The following PDGFD variants were observed in gnomAD, a reference collection of about 807,000 sequenced individuals.
PDGFD encodes the protein platelet derived growth factor D, also known as platelet-derived growth factor D.
A neutral mutation model predicts 44.7 loss-of-function variants in PDGFD; 30 were observed. That is an observed-to-expected ratio of 0.67 (90% CI 0.50 to 0.91). The LOEUF (loss-of-function observed/expected upper bound fraction) is 0.91, where lower values mean the gene tolerates loss of function less well. Among genes scored for constraint, PDGFD ranks in the 40% least tolerant of loss-of-function variants. PDGFD has a pLI of 0.00. For synonymous variants in PDGFD, 173 were observed against 168.4 expected, an observed-to-expected ratio of 1.03 and a Z score of -0.21; for missense variants, 445 against 457.8, an observed-to-expected ratio of 0.97 and a Z score of 0.25.
At chr11:103,964,983 A>G (rs1318393764) in intron 3 of PDGFD, among the ~76,000 whole-genome samples, 1 of 151,610 alleles carries the variant, frequency 6.6e-6, no homozygotes, top group South Asian at 2.1e-4. Context: ...GGGTAATCAC[A>G]TACTAGATGT....
At chr11:103,993,652 T>C (rs1400545113) in intron 3 of PDGFD, among the ~76,000 whole-genome samples, 3 of 152,082 alleles carry the variant, frequency 2.0e-5, no homozygotes, top group Non-Finnish European at 4.4e-5. Context: ...ATCTTCCCAG[T>C]ACAGTGGTCA....
At chr11:104,015,411 G>A (rs1366569608) in intron 1 of PDGFD, among the ~76,000 whole-genome samples, 1 of 151,994 alleles carries the variant, frequency 6.6e-6, no homozygotes, top group Non-Finnish European at 1.5e-5. Context: ...AAATTAATCT[G>A]AGAAAAAAGA....
chr11:104,039,276 ATT>A, intron 1 of PDGFD: 1 of 160,924 alleles, frequency 6.2e-6, no homozygotes. Flanking sequence ...TCACCTAATA[ATT>A]TTTTTTTTCC....
At chr11:104,147,212 A>G (rs1012009185) in intron 1 of PDGFD, among the ~76,000 whole-genome samples, 1 of 152,058 alleles carries the variant, frequency 6.6e-6, no homozygotes, top group African/African-American at 2.4e-5. Context: ...AACTAAGTAC[A>G]CTGTGCTTGG....
chr11:104,075,418 C>T (rs760856808), intron 1 of PDGFD, among the ~76,000 whole-genome samples: 2 of 151,458 alleles, frequency 1.3e-5, no homozygotes, highest in South Asian at 2.1e-4. Flanking sequence ...GTGAGGTACA[C>T]ATTTTCTCTT....
At chr11:103,946,596 G>A (rs1318416961) in intron 4 of PDGFD, 1 of 152,208 alleles carries the variant, frequency 6.6e-6, no homozygotes, top group African/African-American at 2.4e-5. Flanking sequence ...TGAGTTATCA[G>A]CCTCTACTGT....
chr11:104,099,588 C>T (rs1307750714), intron 1 of PDGFD, among the ~76,000 whole-genome samples: 1 of 151,170 alleles, frequency 6.6e-6, no homozygotes, highest in African/African-American at 2.4e-5. Flanking sequence ...GCCCAGATTG[C>T]ACCACTACAC....
intron 1 of PDGFD, among the ~76,000 whole-genome samples, chr11:104,110,015 GA>G (rs553553513): frequency 2.0e-5 from 3 of 151,590 alleles, no homozygotes; most frequent in Admixed American, 2.0e-4. Context: ...TGAATGCTTA[GA>G]AAAAAAATCT....
rs963703399 is a variant in PDGFD at position 104,047,772 on chromosome 11, T to A, written c.125-47517A>T. Among the ~76,000 whole-genome samples, 3 of 151,800 alleles carry A rather than the reference T, an allele frequency of 2.0e-5. No homozygotes were observed. The East Asian group carries it at 5.8e-4, about 29-fold the overall frequency. On this transcript the variant is annotated intron_variant, in intron 1 of 6. Transcript: ENST00000393158. The stretch of plus-strand genomic sequence containing the variant: ...CATGGTTTTATGAAGGTCTAAAACA[T>A]GTGGCAGCCAACAAAATAGATGTGT...
At chr11:103,987,623 G>C (rs1376163795) in intron 3 of PDGFD, among the ~76,000 whole-genome samples, 2 of 152,112 alleles carry the variant, frequency 1.3e-5, no homozygotes, top group Non-Finnish European at 2.9e-5. Flanking sequence ...AAAGACTTAA[G>C]CTTTAGTATT....
rs146927609 is a variant in PDGFD, at chr11:104,136,182, T to C, written c.124+27622A>G. On this transcript the variant is annotated intron_variant, in intron 1 of 6. Coordinates refer to ENST00000393158, the MANE Select transcript of PDGFD (RefSeq NM_025208.5). The stretch of plus-strand genomic sequence containing the variant: ...GCTTGCTTGTACACAGGAAAAGACA[T>C]AATATTGTGTCTATGACTTAATCCT... Among the ~76,000 whole-genome samples the C allele has an allele frequency of 7.3e-3, 1,105 of 152,264 alleles. 6 individuals carry two copies. Among genetic ancestry groups the C allele is most frequent in the African/African-American group, 0.024 (990 of 41,546 alleles).
intron 1 of PDGFD, among the ~76,000 whole-genome samples, chr11:104,008,783 A>G (rs35988597): frequency 0.3 from 45,381 of 152,032 alleles, 8,166 homozygotes; most frequent in Admixed American, 0.48. Flanking sequence ...TTGTTAATCA[A>G]TGTAACCCCA....
chr11:103,914,447 G>A (rs1039269206), intron 6 of PDGFD, among the ~76,000 whole-genome samples: 8 of 152,154 alleles, frequency 5.3e-5, no homozygotes, highest in Non-Finnish European at 1.2e-4. Context: ...TAAAATTGAA[G>A]CAGTAATTGA....
At chr11:104,123,137 G>A (rs1289820466) in intron 1 of PDGFD, among the ~76,000 whole-genome samples, 1 of 151,890 alleles carries the variant, frequency 6.6e-6, no homozygotes, top group African/African-American at 2.4e-5. Context: ...ATCCACTTCT[G>A]TTTCAAAAAA....
At position 104,106,822 on chromosome 11, in the gene PDGFD, C is replaced by T. The variant is rs142039285; in HGVS notation, c.124+56982G>A. Among the ~76,000 whole-genome samples, 666 of 151,662 alleles carry T rather than the reference C, an allele frequency of 4.4e-3. 1 individual carries two copies. Among genetic ancestry groups the T allele is most frequent in the Middle Eastern group, 0.017 (5 of 294 alleles). On this transcript the variant is annotated intron_variant, in intron 1 of 6. Coordinates refer to ENST00000393158, the MANE Select transcript of PDGFD (RefSeq NM_025208.5). ...GCCGTGGCATGATCTCGGCTCATTGCAACCTCTGCTTCCCGAGTTCAAGCA... is the reference window on the plus strand; with the variant it reads ...GCCGTGGCATGATCTCGGCTCATTGTAACCTCTGCTTCCCGAGTTCAAGCA...
At chr11:104,070,282 G>C (rs1280540656) in intron 1 of PDGFD, among the ~76,000 whole-genome samples, 1 of 152,132 alleles carries the variant, frequency 6.6e-6, no homozygotes, top group Non-Finnish European at 1.5e-5. Context: ...AACAGAGGTA[G>C]GGAACAGATT....
At chr11:103,914,558 C>T (rs1858083781) in intron 6 of PDGFD, among the ~76,000 whole-genome samples, 1 of 118,730 alleles carries the variant, frequency 8.4e-6, no homozygotes, top group Non-Finnish European at 1.9e-5. Context: ...GAAACTATTC[C>T]AAAAAATAGA....
intron 1 of PDGFD, among the ~76,000 whole-genome samples, chr11:104,022,389 ACT>A (rs1301557881): frequency 2.0e-5 from 3 of 152,118 alleles, no homozygotes. Flanking sequence ...ATTTACGTAG[ACT>A]CTGTGCATTG....
intron 1 of PDGFD, among the ~76,000 whole-genome samples, chr11:104,113,611 T>C (rs1027160131): frequency 1.3e-5 from 2 of 151,492 alleles, no homozygotes; most frequent in South Asian, 2.1e-4. Context: ...TTAATGAACA[T>C]AAGCTTTCAA....
Sources: allele counts gnomAD v4.1 joint callset (sites outside exome capture counted in the v4.1 genomes callset), GRCh38; gene constraint gnomAD v4.1.1; transcripts MANE v1.5; gene names NCBI Gene and HGNC (gene_info 2026-07-23, HGNC 2026-07-21).